The following TTC24 variants were observed in gnomAD, a reference collection of about 807,000 sequenced individuals.
TTC24 encodes tetratricopeptide repeat domain 24, also known as tetratricopeptide repeat protein 24.
TTC24 carries 54 observed loss-of-function variants against 63.3 expected under a neutral mutation model. The ratio of observed to expected loss-of-function variants is 0.85; its 90% CI spans 0.69 to 1.07. The LOEUF (loss-of-function observed/expected upper bound fraction) is 1.07. Ranked by LOEUF, TTC24 falls within the 50% of genes least tolerant of loss-of-function variation. The pLI, the probability that TTC24 is intolerant of heterozygous loss-of-function variation, is 0.00. For missense variants in TTC24, 680 were observed against 730.5 expected (o/e 0.93, Z 0.80); for synonymous variants, 276 against 304.3 (o/e 0.91, Z 0.97).
At position 156,583,056 on chromosome 1, in the gene TTC24, C is replaced by T. The variant is rs1267205005; in HGVS notation, c.925C>T (p.Arg309Trp). The T allele has an allele frequency of 1.4e-5, 23 of 1,612,272 alleles. No individual in the cohort carries two copies. Among genetic ancestry groups the T allele is most frequent in the Admixed American group, 3.3e-5 (2 of 59,804 alleles). The change falls in exon 4 of 11, where the codon CGG (arginine) becomes TGG (tryptophan). Residue 309 changes from arginine to tryptophan, a missense_variant. By Grantham distance (101) the Arg-to-Trp change is moderately radical. Coordinates refer to ENST00000368236, the MANE Select transcript of TTC24 (RefSeq NM_001105669.4). This position sits in a 1 kb window ranked among gnomAD's most constrained non-coding sequence, Gnocchi z 4.0. ...AADLHGSVGQ[R>W]WEQGRSFGSL... Reference sequence around the variant, plus strand: ...TCTGTCCTCAGGCTCTGTGGGGCAGCGGTGGGAGCAGGGCCGGAGCTTTGG... The same window carrying T: ...TCTGTCCTCAGGCTCTGTGGGGCAGTGGTGGGAGCAGGGCCGGAGCTTTGG...
In TTC24 at chr1:156,581,229, A is replaced by G. The variant is rs763077318; in HGVS notation, c.-4-132A>G. ...AATGGGACAGAAGAAACAAAGTGAGAGATCAGAGAGCAATCCTTGAAACCC... is the reference window on the plus strand; with the variant it reads ...AATGGGACAGAAGAAACAAAGTGAGGGATCAGAGAGCAATCCTTGAAACCC... On this transcript the variant is annotated intron_variant, in intron 1 of 10. Coordinates refer to ENST00000368236, the MANE Select transcript of TTC24 (RefSeq NM_001105669.4). The G allele has an allele frequency of 4.7e-5, 28 of 594,084 alleles. No homozygotes were observed. In the Admixed American group the frequency reaches 7.2e-4, roughly 15 times the overall value. 36.8% of individuals were successfully genotyped at this position (594,084 alleles called of 1,614,324 possible).
rs778127162 is a variant in TTC24 at position 156,586,591 on chromosome 1, G to T, written c.*41G>T. ...CTCAGCCCTCATCCCTGAAGCACCT[G>T]TCCAACACGCACACACTAGGGGGTC... is the stretch of plus-strand genomic sequence containing the variant. On this transcript the variant is annotated 3_prime_UTR_variant, in exon 11 of 11. Transcript: ENST00000368236. The T allele has an allele frequency of 2.6e-6, 4 of 1,568,438 alleles. No homozygotes were observed. Among genetic ancestry groups the T allele is most frequent in the Non-Finnish European group, 3.5e-6 (4 of 1,144,282 alleles).
chr1:156,583,932 G>A lies in TTC24; in HGVS notation c.1251+37G>A. 6.5e-7 allele frequency: 1 copy of A among 1,528,068 alleles called. No homozygotes were observed. The highest frequency in any genetic ancestry group is 8.9e-7 in the Non-Finnish European group (1 of 1,124,500). 94.7% of individuals were successfully genotyped at this position (1,528,068 alleles called of 1,614,324 possible). ...CCTGAGACAAGGAGATGGGGGTGGA[G>A]AGAGGTTACCCAGAGAAGGGGTTGG... On this transcript the variant is annotated intron_variant, in intron 6 of 10. Transcript: ENST00000368236. This position sits in a 1 kb window ranked among gnomAD's most constrained non-coding sequence, Gnocchi z 4.0.
chr1:156,582,120 T>C (rs1677016140), intron 2 of TTC24, 50 bp downstream of exon 2: 5 of 1,462,038 alleles, frequency 3.4e-6, no homozygotes, highest in Non-Finnish European at 3.6e-6. Flanking sequence ...ACACAGAGCC[T>C]GATGATACTC....
chr1:156,585,102 G>A (rs1296889820), intron 7 of TTC24, 23 bp from the exon 8 acceptor site: 2 of 1,597,072 alleles, frequency 1.3e-6, no homozygotes, highest in Non-Finnish European at 1.7e-6. Context: ...GCCAAGCTGT[G>A]CCCTGGTTCC....
At chr1:156,584,314 T>C (rs1677094448) in intron 6 of TTC24, among the ~76,000 whole-genome samples, 1 of 152,052 alleles carries the variant, frequency 6.6e-6, no homozygotes, top group African/African-American at 2.4e-5. Flanking sequence ...TCCAAGTCTC[T>C]GCTTTAACCT....
chr1:156,584,898 C>G lies in TTC24; in HGVS notation c.1273C>G (p.Gln425Glu). 6.3e-7 allele frequency: 1 copy of G among 1,593,680 alleles called. No individual in the cohort carries two copies. The highest frequency in any genetic ancestry group is 8.5e-7 in the Non-Finnish European group (1 of 1,170,912). ...CCAGACTTCGGCTCCGGGAAGACTC[C>G]AGGCTCCAGGTGGGGCCAGCCAGGC... ...HTLTSAPGRL[Q>E]APGGASQAEG... The change falls in exon 7 of 11, where the codon CAG becomes GAG. Residue 425 changes from glutamine (Q) to glutamate (E), a missense_variant. By Grantham distance (29) the Gln-to-Glu change is conservative. Transcript: ENST00000368236.
In TTC24 at chr1:156,581,370, T is replaced by G. The variant is rs1479004843; in HGVS notation, c.6T>G (p.Ser2=). The G allele has an allele frequency of 6.7e-7, 1 of 1,491,986 alleles. No individual in the cohort carries two copies. Among genetic ancestry groups the G allele is most frequent in the Non-Finnish European group, 8.9e-7 (1 of 1,119,228 alleles). The allele number at this position is 1,491,986 out of a possible 1,614,324, so 92.4% of individuals were successfully genotyped here. The part of the protein sequence containing the change: M[S]SPNPEDVPRR... ...TGTTCCCCTTTGTCAGCCCTATGTC[T>G]TCCCCCAACCCTGAGGATGTGCCCC... Residue 2 remains serine, a synonymous_variant, in exon 2 of 11, where the codon TCT becomes TCG. Coordinates refer to ENST00000368236, the MANE Select transcript of TTC24 (RefSeq NM_001105669.4).
chr1:156,582,919 C>G (rs12118894), intron 3 of TTC24, 123 bp from the exon 4 acceptor site: 310,617 of 1,254,442 alleles, frequency 0.25, 42,939 homozygotes, highest in South Asian at 0.48. Context: ...TCGGATGCAT[C>G]TGGAGTGTTC....
At position 156,583,710 on chromosome 1, in the gene TTC24, C is replaced by T. The variant is rs1255682875; in HGVS notation, c.1153-87C>T. Reference sequence around the variant, plus strand: ...GGGAAACAAAGCCCCCCTCCCCCCTCCCTTTCCTGTTTCCTTCTTCCCCAA... The same window carrying T: ...GGGAAACAAAGCCCCCCTCCCCCCTTCCTTTCCTGTTTCCTTCTTCCCCAA... On this transcript the variant is annotated intron_variant, in intron 5 of 10. Transcript: ENST00000368236. The surrounding 1 kb of genome is among the most constrained non-coding windows in gnomAD (Gnocchi z 4.0). 2.1e-6 allele frequency: 2 copies of T among 937,446 alleles called. No individual in the cohort carries two copies. Among genetic ancestry groups the T allele is most frequent in the Non-Finnish European group, 3.3e-6 (2 of 597,528 alleles). The allele number at this position is 937,446 out of a possible 1,614,324, so 58.1% of individuals were successfully genotyped here.
Position 156,583,892 on chromosome 1 carries a change from C to T in TTC24, c.1248C>T (p.Thr416=), listed in dbSNP as rs1337807489. 5.1e-6 allele frequency: 8 copies of T among 1,577,468 alleles called. No homozygotes were observed. Among genetic ancestry groups the T allele is most frequent in the African/African-American group, 4.0e-5 (3 of 74,188 alleles). ...AGGTGGGGCTGGTCCAGACTCACAC[C>T]CTGGTGAGATGACACCTGAGACAAG... ...LAQVGLVQTH[T]LTSAPGRLQA... The change falls in exon 6 of 11, where the codon ACC becomes ACT. Residue 416 remains threonine, a synonymous_variant. Transcript: ENST00000368236. This position sits in a 1 kb window ranked among gnomAD's most constrained non-coding sequence, Gnocchi z 4.0.
Position 156,585,175 on chromosome 1 carries a change from A to G in TTC24, c.1400A>G (p.Lys467Arg). ...GAGTTTGAGGAGGGCCACCAGAAGA[A>G]AAAAGAGGAGAGGTCGGCAAACGTT... ...DEEFEEGHQK[K>R]KEERSANVPV... The change falls in exon 8 of 11, where the codon AAA becomes AGA. Residue 467 changes from lysine to arginine, a missense_variant. By Grantham distance (26) the Lys-to-Arg change is conservative (BLOSUM62 2). Transcript: ENST00000368236. 1 of 1,613,524 alleles carries G rather than the reference A, an allele frequency of 6.2e-7. No homozygotes were observed. Among genetic ancestry groups the G allele is most frequent in the Non-Finnish European group, 8.5e-7 (1 of 1,179,714 alleles).
rs1268691675 is a variant in TTC24 at position 156,587,615 on chromosome 1, T to C, written c.*1065T>C. Among the ~76,000 whole-genome samples the C allele has an allele frequency of 3.9e-5, 6 of 152,092 alleles. No homozygotes were observed. On this transcript the variant is annotated 3_prime_UTR_variant, in exon 11 of 11. Coordinates refer to ENST00000368236, the MANE Select transcript of TTC24 (RefSeq NM_001105669.4). ...CTTTGCGAGGCCAAGGTGGGAGGAT[T>C]GCTTGAGCCCAGGAGTTTGAGACCA...
rs1038423507 is a variant in TTC24 at position 156,585,295 on chromosome 1, C to T, written c.1456+64C>T. 11 of 1,324,194 alleles carry T rather than the reference C, an allele frequency of 8.3e-6. No individual in the cohort carries two copies. The East Asian group carries it at 1.2e-4, about 15-fold the overall frequency. The allele number at this position is 1,324,194 out of a possible 1,614,324, so 82.0% of individuals were successfully genotyped here. A position where few individuals can be genotyped will look rare whatever the true frequency, so the allele number is the denominator to read the frequency against. On this transcript the variant is annotated intron_variant, in intron 8 of 10. Coordinates refer to ENST00000368236, the MANE Select transcript of TTC24 (RefSeq NM_001105669.4). Reference sequence around the variant, plus strand: ...TACTGCAAATATGGCACTCCCACCCCCACCCGCCTGCCTCCGCTTCTTATG... The same window carrying T: ...TACTGCAAATATGGCACTCCCACCCTCACCCGCCTGCCTCCGCTTCTTATG...
chr1:156,582,231 G>C lies in TTC24; in HGVS notation c.707G>C (p.Gly236Ala). 2.6e-6 allele frequency: 4 copies of C among 1,550,072 alleles called. No homozygotes were observed. Among genetic ancestry groups the C allele is most frequent in the Non-Finnish European group, 3.5e-6 (4 of 1,145,916 alleles). The change falls in exon 3 of 11, where the codon GGG (glycine) becomes GCG (alanine). Residue 236 changes from glycine (G) to alanine (A), a missense_variant and splice_region_variant. By Grantham distance (60) the Gly-to-Ala change is moderately conservative. Transcript: ENST00000368236. ...AERSTERRLL[G>A]HLYNDLGLGY... Reference sequence around the variant, plus strand: ...CAGTGACCCTGGCTATTCCCTCTAGGGCACCTCTATAACGATCTAGGCCTG... The same window carrying C: ...CAGTGACCCTGGCTATTCCCTCTAGCGCACCTCTATAACGATCTAGGCCTG...
At chr1:156,585,496 C>T (rs1000661597) in intron 8 of TTC24, 2 of 605,710 alleles carry the variant, frequency 3.3e-6, no homozygotes, top group Admixed American at 2.9e-5. Context: ...CTCCCTCTTC[C>T]TTCCTGCTCT....
At chr1:156,580,389 C>T (rs1244669697) in intron 1 of TTC24, among the ~76,000 whole-genome samples, 1 of 152,010 alleles carries the variant, frequency 6.6e-6, no homozygotes, top group Non-Finnish European at 1.5e-5. Context: ...AGCAGGAGTA[C>T]CTAGATGATG....
chr1:156,583,477 C>A lies in TTC24; in HGVS notation c.1152+27C>A. The A allele has an allele frequency of 1.3e-6, 2 of 1,525,700 alleles. No homozygotes were observed. Among genetic ancestry groups the A allele is most frequent in the East Asian group, 2.3e-5 (1 of 42,876 alleles). The allele number at this position is 1,525,700 out of a possible 1,614,324, so 94.5% of individuals were successfully genotyped here. On this transcript the variant is annotated intron_variant, in intron 5 of 10. Coordinates refer to ENST00000368236, the MANE Select transcript of TTC24 (RefSeq NM_001105669.4). The surrounding 1 kb of genome is among the most constrained non-coding windows in gnomAD (Gnocchi z 4.0). ...TGAGACCCCGCACACCGGAATCCAC[C>A]TCTCCCCTGCTATCCCTCTTCTGGC...
In TTC24 at chr1:156,584,873, C is replaced by G. The variant is rs1285014785; in HGVS notation, c.1252-4C>G. 1 of 1,557,810 alleles carries G rather than the reference C, an allele frequency of 6.4e-7. No homozygotes were observed. Among genetic ancestry groups the G allele is most frequent in the African/African-American group, 1.4e-5 (1 of 73,414 alleles). On this transcript the variant is annotated splice_region_variant and splice_polypyrimidine_tract_variant and intron_variant, in intron 6 of 10. Coordinates refer to ENST00000368236, the MANE Select transcript of TTC24 (RefSeq NM_001105669.4). ...CTATTCCCTTTACTCCACTTCATTCCCAGACTTCGGCTCCGGGAAGACTCC... is the reference window on the plus strand; with the variant it reads ...CTATTCCCTTTACTCCACTTCATTCGCAGACTTCGGCTCCGGGAAGACTCC...
Sources: gnomAD v4.1 joint callset for allele counts (sites outside exome capture counted in the v4.1 genomes callset) on GRCh38, gnomAD v4.1.1 for gene constraint, Gnocchi (gnomAD v3.1) non-coding constraint, MANE v1.5 for transcripts, NCBI Gene and HGNC (gene_info 2026-07-23, HGNC 2026-07-21) for gene names.